Variants in PCDH15 observed in about 807,000 individuals in gnomAD.
The protein encoded by PCDH15 is protocadherin related 15, also known as protocadherin-15.
Under a neutral mutation model 178.5 loss-of-function variants are expected in PCDH15, and 129 were observed. The ratio of observed to expected loss-of-function variants is 0.72; its 90% CI spans 0.63 to 0.84. PCDH15 has a LOEUF of 0.84. Ranked by LOEUF, PCDH15 falls within the 40% of genes least tolerant of loss-of-function variation. PCDH15 has a pLI of 0.00. For synonymous variants in PCDH15, 800 were observed against 732.0 expected, an observed-to-expected ratio of 1.09 and a Z score of -1.50; for missense variants, 2,230 against 2,099.9, an observed-to-expected ratio of 1.06 and a Z score of -1.21.
intron 3 of PCDH15, among the ~76,000 whole-genome samples, chr10:54,885,918 A>G (rs940094210): frequency 3.9e-5 from 6 of 152,130 alleles, no homozygotes; most frequent in African/African-American, 1.4e-4. Flanking sequence ...TTTCCTTATT[A>G]AATTTTCAAC....
At chr10:55,498,653 C>A (rs1840587799) in intron 2 of PCDH15, among the ~76,000 whole-genome samples, 1 of 151,824 alleles carries the variant, frequency 6.6e-6, no homozygotes, top group Non-Finnish European at 1.5e-5. Context: ...ATATAAGTAG[C>A]AGCTATAGTA....
intron 1 of PCDH15, among the ~76,000 whole-genome samples, chr10:55,315,608 T>C (rs1843705040): frequency 6.6e-6 from 1 of 152,188 alleles, no homozygotes; most frequent in Non-Finnish European, 1.5e-5. Context: ...CACATTTACA[T>C]ATCTACTCAT....
intron 26 of PCDH15, among the ~76,000 whole-genome samples, chr10:53,888,318 G>GTATATATATGTATGTATATATATA (rs1238264864): frequency 7.6e-5 from 7 of 91,788 alleles, no homozygotes; most frequent in East Asian, 3.9e-4. Flanking sequence ...ATGTATATAT[G>GTATATATATGTATGTATATATATA]TACGTATATA....
intron 2 of PCDH15, among the ~76,000 whole-genome samples, chr10:55,619,268 CT>C (rs139120934): frequency 6.9e-4 from 104 of 151,500 alleles, no homozygotes; most frequent in African/African-American, 1.3e-3. Flanking sequence ...CCAATTAAGG[CT>C]TTTTTTTAAC....
At chr10:54,857,287 A>C (rs2131775868) in intron 3 of PCDH15, among the ~76,000 whole-genome samples, 1 of 152,336 alleles carries the variant, frequency 6.6e-6, no homozygotes, top group East Asian at 1.9e-4. Context: ...ACTAATTCTA[A>C]CAGTGAATTT....
chr10:53,901,381 G>A (rs2082323426), intron 26 of PCDH15, among the ~76,000 whole-genome samples: 1 of 152,048 alleles, frequency 6.6e-6, no homozygotes. Flanking sequence ...TTTTCCTAAT[G>A]TCCCATGTAT....
At chr10:54,419,985 A>C (rs1383427662) in intron 3 of PCDH15, among the ~76,000 whole-genome samples, 1 of 152,074 alleles carries the variant, frequency 6.6e-6, no homozygotes, top group East Asian at 1.9e-4. Context: ...TTAGGACTTT[A>C]AGGAAATAAA....
At chr10:54,014,404 T>C (rs1734355770) in intron 20 of PCDH15, among the ~76,000 whole-genome samples, 1 of 152,134 alleles carries the variant, frequency 6.6e-6, no homozygotes, top group African/African-American at 2.4e-5. Flanking sequence ...CATCCCTCCC[T>C]CACTCTATGA....
At chr10:55,577,169 G>A (rs1251243756) in intron 2 of PCDH15, among the ~76,000 whole-genome samples, 1 of 152,126 alleles carries the variant, frequency 6.6e-6, no homozygotes, top group African/African-American at 2.4e-5. Context: ...TTGAACCCAG[G>A]GGTGCAGAGG....
chr10:55,493,225 C>A (rs1565193531), intron 2 of PCDH15, among the ~76,000 whole-genome samples: 1 of 151,244 alleles, frequency 6.6e-6, no homozygotes, highest in South Asian at 2.1e-4. Context: ...AATGCACAGA[C>A]CCACACTCAG....
At chr10:55,141,722 A>G (rs1426202071) in intron 2 of PCDH15, among the ~76,000 whole-genome samples, 1 of 152,102 alleles carries the variant, frequency 6.6e-6, no homozygotes, top group Non-Finnish European at 1.5e-5. Flanking sequence ...AATTTTTGTA[A>G]GCTGTTCAAC....
At chr10:54,437,074 G>T (rs575576410) in intron 3 of PCDH15, among the ~76,000 whole-genome samples, 1 of 152,220 alleles carries the variant, frequency 6.6e-6, no homozygotes, top group African/African-American at 2.4e-5. Context: ...AATTAGCACG[G>T]ACTCTAAATT....
intron 23 of PCDH15, among the ~76,000 whole-genome samples, chr10:53,958,760 C>G (rs2087898267): frequency 6.6e-6 from 1 of 151,814 alleles, no homozygotes; most frequent in Non-Finnish European, 1.5e-5. Flanking sequence ...GCAGGTGGAT[C>G]AGGAGGTCAG....
At chr10:54,297,517 A>G (rs994931363) in intron 8 of PCDH15, among the ~76,000 whole-genome samples, 1 of 152,194 alleles carries the variant, frequency 6.6e-6, no homozygotes, top group East Asian at 1.9e-4. Flanking sequence ...TTTACATCCC[A>G]CAGGAGGACC....
rs11003875 is a variant in PCDH15, at chr10:53,833,451, T to G, written c.3984-1918A>C. ...TTTACTTTGTGTATTTAAAACAACT[T>G]GTCTGGGTAAAAATTCTTGAGTCAT... is the stretch of plus-strand genomic sequence containing the variant. On this transcript the variant is annotated intron_variant, in intron 29 of 37. Coordinates refer to ENST00000644397, the MANE Select transcript of PCDH15 (RefSeq NM_001384140.1). Among the ~76,000 whole-genome samples, 610 of 152,190 alleles carry G rather than the reference T, an allele frequency of 4.0e-3. 5 individuals carry two copies. Among genetic ancestry groups the G allele is most frequent in the South Asian group, 0.013 (63 of 4,828 alleles).
intron 2 of PCDH15, among the ~76,000 whole-genome samples, chr10:55,515,452 CT>C (rs1840990240): frequency 1.3e-5 from 2 of 151,970 alleles, no homozygotes; most frequent in Non-Finnish European, 2.9e-5. Context: ...ATGTGAGAAT[CT>C]AGGTGTCTTT....
rs78464677 is a variant in PCDH15, at chr10:53,823,626, G to C, written c.4368-3396C>G. 0.021 allele frequency among the ~76,000 whole-genome samples: 3,177 copies of C among 149,868 alleles called. 113 individuals are homozygous for C. The highest frequency in any genetic ancestry group is 0.075 in the African/African-American group (2,953 of 39,494). ...ATTATTTTGGAAGAGAGTATTTTTT[G>C]TTTTTGTTTTTTTTCAGCTAGTGTG... On this transcript the variant is annotated intron_variant, in intron 32 of 37. Coordinates refer to ENST00000644397, the MANE Select transcript of PCDH15 (RefSeq NM_001384140.1).
intron 2 of PCDH15, among the ~76,000 whole-genome samples, chr10:54,537,487 TC>T (rs1339844679): frequency 1.3e-5 from 2 of 152,044 alleles, no homozygotes; most frequent in African/African-American, 4.8e-5. Flanking sequence ...AAACTATAGG[TC>T]AATATTCCTG....
chr10:54,529,097 G>T (rs999961973), intron 2 of PCDH15, among the ~76,000 whole-genome samples: 2 of 151,650 alleles, frequency 1.3e-5, no homozygotes, highest in East Asian at 1.9e-4. Context: ...TTAAAATTCT[G>T]CCATTTATTA....
Sources: allele counts gnomAD v4.1 joint callset (sites outside exome capture counted in the v4.1 genomes callset), GRCh38; gene constraint gnomAD v4.1.1; transcripts MANE v1.5; gene names NCBI Gene and HGNC (gene_info 2026-07-23, HGNC 2026-07-21).